The following UBE3C variants were observed in gnomAD, a reference collection of about 807,000 sequenced individuals.
The protein encoded by UBE3C is ubiquitin-protein ligase E3C.
In UBE3C, 42 loss-of-function variants were observed where a neutral mutation model predicts 129.4. The observed-to-expected ratio is 0.32, with a 90% CI of 0.25 to 0.42. The LOEUF (loss-of-function observed/expected upper bound fraction) is 0.42, where lower values mean the gene tolerates loss of function less well. UBE3C is among the 10% of genes least tolerant of loss of function. UBE3C has a pLI of 1.00. For synonymous variants in UBE3C, 510 were observed against 492.4 expected, an observed-to-expected ratio of 1.04 and a Z score of -0.47; for missense variants, 1,049 against 1,319.1, an observed-to-expected ratio of 0.80 and a Z score of 3.17.
chr7:157,214,621 C>T (rs547173993), intron 13 of UBE3C, among the ~76,000 whole-genome samples: 7 of 152,114 alleles, frequency 4.6e-5, no homozygotes, highest in Non-Finnish European at 8.8e-5. Flanking sequence ...TTTAATTGGT[C>T]ACAAAAATGG....
chr7:157,142,324 A>T (rs1807476434), intron 1 of UBE3C, among the ~76,000 whole-genome samples: 1 of 152,218 alleles, frequency 6.6e-6, no homozygotes, highest in Admixed American at 6.5e-5. Flanking sequence ...TCTTTTTTCA[A>T]ATTAAATACT....
intron 22 of UBE3C, among the ~76,000 whole-genome samples, chr7:157,260,669 T>C (rs1268615095): frequency 6.6e-6 from 1 of 152,226 alleles, no homozygotes. Context: ...GTTCCAAAGC[T>C]AGAGATAAGA....
intron 2 of UBE3C, among the ~76,000 whole-genome samples, chr7:157,165,458 C>G (rs1808188165): frequency 6.8e-6 from 1 of 148,142 alleles, no homozygotes; most frequent in African/African-American, 2.5e-5. Flanking sequence ...ACTGCAGTGG[C>G]ACGATCTCAG....
chr7:157,258,290 C>A (rs1796808250), intron 22 of UBE3C, among the ~76,000 whole-genome samples: 1 of 152,096 alleles, frequency 6.6e-6, no homozygotes, highest in African/African-American at 2.4e-5. Context: ...AGAAAGAGTT[C>A]CTGCACACTC....
intron 17 of UBE3C, among the ~76,000 whole-genome samples, chr7:157,230,711 A>AAAG (rs1796000624): frequency 3.5e-5 from 5 of 143,290 alleles, no homozygotes; most frequent in East Asian, 2.1e-4. Flanking sequence ...AAAAAAAAAA[A>AAAG]AAACCTCCTA....
intron 2 of UBE3C, among the ~76,000 whole-genome samples, 195 bp from the exon 3 acceptor site, chr7:157,168,853 T>C (rs1471572972): frequency 6.6e-6 from 1 of 152,210 alleles, no homozygotes; most frequent in African/African-American, 2.4e-5. Context: ...GATGAAGGTA[T>C]TCTAAGATCA....
At chr7:157,141,380 G>A (rs543482296) in intron 1 of UBE3C, among the ~76,000 whole-genome samples, 23 of 152,338 alleles carry the variant, frequency 1.5e-4, no homozygotes, top group Admixed American at 5.2e-4. Flanking sequence ...GTGACTTAAA[G>A]AGGGGGACGC....
chr7:157,139,171 G>T lies in UBE3C; in HGVS notation c.-102G>T. The T allele has an allele frequency of 2.4e-6, 2 of 845,036 alleles. No homozygotes were observed. Among genetic ancestry groups the T allele is most frequent in the Non-Finnish European group, 1.5e-6 (1 of 688,124 alleles). The allele number at this position is 845,036 out of a possible 1,614,324, so 52.3% of individuals were successfully genotyped here. Reference sequence around the variant, plus strand: ...CGGCCGCCGCGTCCTCGCTGCCCCGGGCCGGGCGGGCGGGCGCCGAGAGCC... The same window carrying T: ...CGGCCGCCGCGTCCTCGCTGCCCCGTGCCGGGCGGGCGGGCGCCGAGAGCC... On this transcript the variant is annotated 5_prime_UTR_variant, in exon 1 of 23. Transcript: ENST00000348165.
In UBE3C at chr7:157,220,735, G is replaced by A. The variant is rs770180143; in HGVS notation, c.1961G>A (p.Arg654Gln). Residue 654 changes from arginine (R) to glutamine (Q), a missense_variant, in exon 15 of 23, where the codon CGG (arginine) becomes CAG (glutamine). Around this residue, in one of 4 missense-constraint regions of UBE3C, gnomAD observed 314 missense variants for 416.9 expected, o/e 0.75. Transcript: ENST00000348165. ...GCATCCAGACATGTGTGGAGGTTCCGGCGGATGGGGAGGATAGGCCCGCTG... is the reference window on the plus strand; with the variant it reads ...GCATCCAGACATGTGTGGAGGTTCCAGCGGATGGGGAGGATAGGCCCGCTG... The part of the protein sequence containing the change: ...VPASRHVWRF[R>Q]RMGRIGPLQS... The A allele has an allele frequency of 8.7e-6, 14 of 1,614,026 alleles. No homozygotes were observed. The highest frequency in any genetic ancestry group is 1.3e-5 in the African/African-American group (1 of 74,934).
intron 18 of UBE3C, among the ~76,000 whole-genome samples, chr7:157,235,898 C>G (rs937201293): frequency 6.6e-6 from 1 of 152,202 alleles, no homozygotes; most frequent in East Asian, 1.9e-4. Context: ...AAGTAAGTGT[C>G]ATAGTACAGC....
At chr7:157,220,509 A>G (rs554110248) in intron 14 of UBE3C, among the ~76,000 whole-genome samples, 180 bp from the exon 15 acceptor site, 1 of 152,374 alleles carries the variant, frequency 6.6e-6, no homozygotes, top group Admixed American at 6.5e-5. Context: ...GTATGAAAGG[A>G]CAGCTAGCAT....
At chr7:157,239,926 A>G (rs1221128112) in intron 18 of UBE3C, among the ~76,000 whole-genome samples, 1 of 152,208 alleles carries the variant, frequency 6.6e-6, no homozygotes, top group Non-Finnish European at 1.5e-5. Context: ...TGGGTGATGC[A>G]GCAGAGAGCA....
At chr7:157,157,094 A>T (rs1297053126) in intron 1 of UBE3C, among the ~76,000 whole-genome samples, 1 of 152,224 alleles carries the variant, frequency 6.6e-6, no homozygotes, top group Non-Finnish European at 1.5e-5. Context: ...TATGAATATC[A>T]GCATGTGGCT....
At chr7:157,178,509 ACTGT>A (rs1023944334) in intron 5 of UBE3C, among the ~76,000 whole-genome samples, 177 bp from the exon 6 acceptor site, 24 of 152,254 alleles carry the variant, frequency 1.6e-4, no homozygotes, top group Non-Finnish European at 2.9e-4. Context: ...TCTTTTAAAA[ACTGT>A]CTGAATGACT....
intron 13 of UBE3C, among the ~76,000 whole-genome samples, chr7:157,208,821 G>T (rs1280075018): frequency 1.3e-5 from 2 of 152,348 alleles, no homozygotes; most frequent in East Asian, 1.9e-4. Context: ...AAGGGTGCTT[G>T]ACTTCCCATG....
chr7:157,243,718 A>G (rs1425750538), intron 18 of UBE3C, among the ~76,000 whole-genome samples: 1 of 152,134 alleles, frequency 6.6e-6, no homozygotes, highest in Non-Finnish European at 1.5e-5. Context: ...CTGGAATAGG[A>G]TTGTGAAGAT....
Position 157,267,733 on chromosome 7 carries a change from C to T in UBE3C, c.3230C>T (p.Ala1077Val), listed in dbSNP as rs761924551. 3.1e-6 allele frequency: 5 copies of T among 1,609,392 alleles called. No individual in the cohort carries two copies. In the South Asian group the frequency reaches 5.5e-5, roughly 18 times the overall value. ...AAACTTCTCTATGCGATTGAATGTG[C>T]CGCTGGCTTTGAGCTGAGCTGAAGC... ...RSKLLYAIEC[A>V]AGFELS The change falls in exon 23 of 23, where the codon GCC (alanine) becomes GTC (valine). Residue 1077 changes from alanine to valine, a missense_variant. Coordinates refer to ENST00000348165, the MANE Select transcript of UBE3C (RefSeq NM_014671.3).
intron 22 of UBE3C, among the ~76,000 whole-genome samples, chr7:157,266,095 A>G (rs1242919319): frequency 6.6e-6 from 1 of 152,134 alleles, no homozygotes. Context: ...CGGGTGGATC[A>G]CGAGGTCAGG....
At chr7:157,212,838 A>G (rs1024114640) in intron 13 of UBE3C, among the ~76,000 whole-genome samples, 3 of 151,828 alleles carry the variant, frequency 2.0e-5, no homozygotes, top group African/African-American at 4.8e-5. Context: ...TCTCACTGCA[A>G]CCTCCACCCC....
Sources: allele counts gnomAD v4.1 joint callset (sites outside exome capture counted in the v4.1 genomes callset), GRCh38; gene constraint gnomAD v4.1.1; regional missense constraint gnomAD v4.1.1; transcripts MANE v1.5; gene names NCBI Gene and HGNC (gene_info 2026-07-23, HGNC 2026-07-21).